The following NDST4 variants were observed in gnomAD, a reference collection of about 807,000 sequenced individuals.
The protein encoded by NDST4 is N-deacetylase and N-sulfotransferase 4.
NDST4 carries 63 observed loss-of-function variants against 100.8 expected under a neutral mutation model. That is an observed-to-expected ratio of 0.62 (90% confidence interval 0.51 to 0.77). The LOEUF (loss-of-function observed/expected upper bound fraction) is 0.77. Ranked by LOEUF, NDST4 falls within the 30% of genes least tolerant of loss-of-function variation. NDST4 has a pLI of 0.00. For missense variants in NDST4, 943 were observed against 1,018.4 expected (o/e 0.93, Z 1.01); for synonymous variants, 377 against 361.8 (o/e 1.04, Z -0.48).
intron 2 of NDST4, among the ~76,000 whole-genome samples, chr4:115,016,521 T>C (rs571096265): frequency 6.6e-6 from 1 of 152,206 alleles, no homozygotes; most frequent in South Asian, 2.1e-4. Context: ...GACCCAACAA[T>C]GATTCCACTG....
chr4:114,854,362 T>A (rs1439324168), intron 7 of NDST4, among the ~76,000 whole-genome samples: 1 of 152,236 alleles, frequency 6.6e-6, no homozygotes, highest in Non-Finnish European at 1.5e-5. Context: ...CACATTCCCT[T>A]CATTCATTTC....
chr4:114,988,883 A>G (rs1726973185), intron 2 of NDST4, among the ~76,000 whole-genome samples: 1 of 152,230 alleles, frequency 6.6e-6, no homozygotes, highest in South Asian at 2.1e-4. Context: ...ATAATTGGTT[A>G]TAGAAACTAG....
chr4:114,878,619 G>A (rs1296141825), intron 6 of NDST4, among the ~76,000 whole-genome samples: 2 of 152,120 alleles, frequency 1.3e-5, no homozygotes, highest in Non-Finnish European at 2.9e-5. Context: ...CTCTTCATTA[G>A]TGTATCAATT....
intron 6 of NDST4, among the ~76,000 whole-genome samples, chr4:114,889,262 G>A (rs1178107910): frequency 1.3e-5 from 2 of 152,122 alleles, no homozygotes; most frequent in Non-Finnish European, 2.9e-5. Context: ...CCCAAGATAC[G>A]TGTGAATTGT....
intron 2 of NDST4, among the ~76,000 whole-genome samples, chr4:115,041,317 C>G (rs970386246): frequency 1.3e-5 from 2 of 152,002 alleles, no homozygotes; most frequent in Admixed American, 1.3e-4. Context: ...GACTATTAGA[C>G]AACTTATTTA....
intron 6 of NDST4, among the ~76,000 whole-genome samples, chr4:114,925,052 G>C (rs1725361711): frequency 6.6e-6 from 1 of 152,020 alleles, no homozygotes; most frequent in African/African-American, 2.4e-5. Flanking sequence ...CTCCAAGTTA[G>C]AAATATTAAT....
chr4:114,974,554 G>A (rs1726587566), intron 3 of NDST4, among the ~76,000 whole-genome samples: 1 of 152,094 alleles, frequency 6.6e-6, no homozygotes, highest in Admixed American at 6.6e-5. Flanking sequence ...GAAGGCATCT[G>A]AATACTATAA....
intron 10 of NDST4, among the ~76,000 whole-genome samples, chr4:114,845,433 G>A (rs765709192): frequency 1.3e-5 from 2 of 152,074 alleles, no homozygotes; most frequent in East Asian, 1.9e-4. Flanking sequence ...TTTCTACTGC[G>A]ATATTTTACT....
intron 7 of NDST4, among the ~76,000 whole-genome samples, chr4:114,854,588 C>G (rs891666158): frequency 6.6e-6 from 1 of 152,144 alleles, no homozygotes; most frequent in African/African-American, 2.4e-5. Flanking sequence ...CCTGCCCCAG[C>G]CTCCCGAGTA....
At chr4:114,870,335 T>C (rs535991833) in intron 7 of NDST4, among the ~76,000 whole-genome samples, 1 of 152,276 alleles carries the variant, frequency 6.6e-6, no homozygotes, top group East Asian at 1.9e-4. Context: ...GCTTTTCCTT[T>C]CTTATATACA....
intron 2 of NDST4, among the ~76,000 whole-genome samples, chr4:115,033,404 C>T (rs200750318): frequency 6.6e-6 from 1 of 151,656 alleles, no homozygotes; most frequent in East Asian, 1.9e-4. Flanking sequence ...GTGTGAGCCA[C>T]CCTGCGTAGT....
intron 10 of NDST4, among the ~76,000 whole-genome samples, chr4:114,845,386 G>A (rs1440555960): frequency 6.6e-6 from 1 of 152,098 alleles, no homozygotes; most frequent in East Asian, 1.9e-4. Context: ...TTGTGTGTGC[G>A]ATTGTTTAGC....
intron 4 of NDST4, among the ~76,000 whole-genome samples, chr4:114,940,194 G>C (rs1010768838): frequency 2.0e-5 from 3 of 152,106 alleles, no homozygotes; most frequent in Admixed American, 6.6e-5. Context: ...AGGATCTATG[G>C]AGTCTATACT....
chr4:114,987,448 T>A (rs1312624428), intron 2 of NDST4, among the ~76,000 whole-genome samples: 1 of 152,168 alleles, frequency 6.6e-6, no homozygotes, highest in Non-Finnish European at 1.5e-5. Context: ...GTTACCACTG[T>A]CAGAAATGGC....
At chr4:114,853,917 G>C (rs1269280659) in intron 7 of NDST4, among the ~76,000 whole-genome samples, 1 of 151,808 alleles carries the variant, frequency 6.6e-6, no homozygotes, top group Admixed American at 6.6e-5. Context: ...ATCACATCAG[G>C]GTAAATGGGG....
chr4:115,013,630 T>C (rs896296011), intron 2 of NDST4, among the ~76,000 whole-genome samples: 7 of 151,816 alleles, frequency 4.6e-5, no homozygotes, highest in Non-Finnish European at 1.0e-4. Context: ...AGGTGATCAA[T>C]GGAGTTTTAG....
intron 1 of NDST4, among the ~76,000 whole-genome samples, chr4:115,096,448 C>A (rs1440072285): frequency 6.6e-6 from 1 of 151,852 alleles, no homozygotes; most frequent in Non-Finnish European, 1.5e-5. Flanking sequence ...TTTCATTGTT[C>A]TCATCTGATA....
intron 1 of NDST4, among the ~76,000 whole-genome samples, chr4:115,109,187 A>G (rs776226755): frequency 1.3e-5 from 2 of 151,764 alleles, no homozygotes; most frequent in Admixed American, 1.3e-4. Flanking sequence ...GAAAGAAAGG[A>G]GCTAATGAAA....
intron 4 of NDST4, among the ~76,000 whole-genome samples, chr4:114,940,628 G>C (rs1240571919): frequency 6.6e-6 from 1 of 152,140 alleles, no homozygotes; most frequent in African/African-American, 2.4e-5. Flanking sequence ...GCCGTCCATG[G>C]ATGGCTTGTT....
Sources: gnomAD v4.1 joint callset for allele counts (sites outside exome capture counted in the v4.1 genomes callset) on GRCh38, gnomAD v4.1.1 for gene constraint, MANE v1.5 for transcripts, NCBI Gene and HGNC (gene_info 2026-07-23, HGNC 2026-07-21) for gene names.